The following GPC5 variants were observed in gnomAD, a reference collection of about 807,000 sequenced individuals.
The protein encoded by GPC5 is glypican-5.
A neutral mutation model predicts 53.9 loss-of-function variants in GPC5; 47 were observed. The ratio of observed to expected loss-of-function variants is 0.87; its 90% CI spans 0.69 to 1.11. The LOEUF is 1.11. GPC5 is among the 50% of genes most tolerant of loss of function. GPC5 has a pLI of 0.00. For missense variants in GPC5, 748 were observed against 713.1 expected (o/e 1.05, Z -0.56); for synonymous variants, 286 against 263.3 (o/e 1.09, Z -0.84).
intron 2 of GPC5, among the ~76,000 whole-genome samples, chr13:91,520,796 T>C (rs1885770060): frequency 6.6e-6 from 1 of 151,988 alleles, no homozygotes; most frequent in East Asian, 1.9e-4. Context: ...TGCAGATAAC[T>C]TATTTTTAAA....
chr13:92,443,514 T>C (rs1877664055), intron 7 of GPC5, among the ~76,000 whole-genome samples: 1 of 150,224 alleles, frequency 6.7e-6, no homozygotes. Flanking sequence ...AAATGTTTCA[T>C]TGAAAAAGTT....
At chr13:92,125,944 T>G (rs1594773485) in intron 6 of GPC5, among the ~76,000 whole-genome samples, 4 of 41,134 alleles carry the variant, frequency 9.7e-5, no homozygotes, top group East Asian at 5.3e-4. Flanking sequence ...TTTTTTTTTT[T>G]TTTTTTTTTT....
At chr13:92,757,300 C>T (rs1874926795) in intron 7 of GPC5, among the ~76,000 whole-genome samples, 1 of 152,148 alleles carries the variant, frequency 6.6e-6, no homozygotes, top group Non-Finnish European at 1.5e-5. Context: ...GAAACTGGAT[C>T]CCTTCCTTAC....
chr13:92,630,240 G>GGGAAGGTTA (rs1424086730), intron 7 of GPC5, among the ~76,000 whole-genome samples: 8 of 152,118 alleles, frequency 5.3e-5, no homozygotes, highest in African/African-American at 1.9e-4. Flanking sequence ...TAACCTGAAA[G>GGGAAGGTTA]CACAGGGAAG....
intron 7 of GPC5, among the ~76,000 whole-genome samples, chr13:92,541,904 CA>C (rs1881942450): frequency 6.6e-6 from 1 of 151,872 alleles, no homozygotes; most frequent in South Asian, 2.1e-4. Flanking sequence ...ATTCCAGTGG[CA>C]TGCTTATGTT....
intron 6 of GPC5, among the ~76,000 whole-genome samples, chr13:91,969,214 G>T (rs1237809344): frequency 2.0e-5 from 3 of 151,812 alleles, no homozygotes; most frequent in African/African-American, 7.3e-5. Context: ...TGATCCTCTT[G>T]CCTAGGCTTT....
At chr13:92,163,276 C>T (rs943925948) in intron 7 of GPC5, among the ~76,000 whole-genome samples, 1 of 150,344 alleles carries the variant, frequency 6.7e-6, no homozygotes, top group Admixed American at 6.7e-5. Flanking sequence ...AGCCTGGCCG[C>T]ATGGTGAAAC....
chr13:91,813,655 CAG>C (rs1193110114), intron 5 of GPC5, among the ~76,000 whole-genome samples: 2 of 152,112 alleles, frequency 1.3e-5, no homozygotes, highest in Non-Finnish European at 2.9e-5. Context: ...TTGGATATAA[CAG>C]GGGATATTTA....
At chr13:92,211,205 G>T (rs2042372397) in intron 7 of GPC5, among the ~76,000 whole-genome samples, 1 of 152,152 alleles carries the variant, frequency 6.6e-6, no homozygotes, top group Non-Finnish European at 1.5e-5. Flanking sequence ...TGGAAGGAAA[G>T]GATATCTATT....
chr13:91,657,292 G>A (rs866183321), intron 2 of GPC5, among the ~76,000 whole-genome samples: 1 of 152,146 alleles, frequency 6.6e-6, no homozygotes, highest in Non-Finnish European at 1.5e-5. Context: ...GATGAGAAGA[G>A]TAAAGGAAAG....
At chr13:92,409,117 TAAGTC>T (rs140420446) in intron 7 of GPC5, among the ~76,000 whole-genome samples, 2,793 of 152,044 alleles carry the variant, frequency 0.018, 94 homozygotes, top group African/African-American at 0.063. Context: ...CATTTCAGAT[TAAGTC>T]AAGAGCTAAA....
intron 7 of GPC5, among the ~76,000 whole-genome samples, chr13:92,232,480 A>G (rs2042537995): frequency 6.6e-6 from 1 of 152,348 alleles, no homozygotes; most frequent in Non-Finnish European, 1.5e-5. Flanking sequence ...AAGGCTGGCT[A>G]GGGTCAGTAA....
intron 7 of GPC5, among the ~76,000 whole-genome samples, chr13:92,203,645 T>A (rs8000526): frequency 0.55 from 76,379 of 139,098 alleles, 20,830 homozygotes; most frequent in Middle Eastern, 0.7. Context: ...AATAAAAAAA[T>A]ATATATATAT....
chr13:92,220,925 T>G (rs184241303), intron 7 of GPC5, among the ~76,000 whole-genome samples: 1 of 152,316 alleles, frequency 6.6e-6, no homozygotes, highest in East Asian at 1.9e-4. Flanking sequence ...AATGTCACTG[T>G]TCATAAGCCT....
At chr13:91,755,573 A>G (rs139730738) in intron 4 of GPC5, among the ~76,000 whole-genome samples, 2 of 152,274 alleles carry the variant, frequency 1.3e-5, no homozygotes, top group Admixed American at 1.3e-4. Context: ...TGGTTTCTAA[A>G]TTAAAACAAA....
At chr13:92,136,681 A>C (rs1304247568) in intron 6 of GPC5, among the ~76,000 whole-genome samples, 1 of 152,194 alleles carries the variant, frequency 6.6e-6, no homozygotes, top group Non-Finnish European at 1.5e-5. Flanking sequence ...GTCTTAAAGC[A>C]TATTCATCTG....
intron 5 of GPC5, among the ~76,000 whole-genome samples, chr13:91,876,406 A>G (rs905006412): frequency 6.6e-6 from 1 of 152,184 alleles, no homozygotes; most frequent in Non-Finnish European, 1.5e-5. Flanking sequence ...TGCTGGTAGC[A>G]ATACAGACAG....
At chr13:91,413,454 C>T (rs1877959031) in intron 1 of GPC5, among the ~76,000 whole-genome samples, 2 of 152,058 alleles carry the variant, frequency 1.3e-5, no homozygotes, top group South Asian at 2.1e-4. Flanking sequence ...GAATAGAATT[C>T]GTTGGAGAAA....
At chr13:91,776,822 A>G (rs868227881) in intron 5 of GPC5, among the ~76,000 whole-genome samples, 15 of 152,352 alleles carry the variant, frequency 9.8e-5, no homozygotes, top group Middle Eastern at 3.4e-3. Context: ...TATGGCTCAC[A>G]TGAGTAATAA....
Sources: gnomAD v4.1 joint callset for allele counts (sites outside exome capture counted in the v4.1 genomes callset) on GRCh38, gnomAD v4.1.1 for gene constraint, MANE v1.5 for transcripts, NCBI Gene and HGNC (gene_info 2026-07-23, HGNC 2026-07-21) for gene names.